KMO: variants seen among roughly 807,000 people sequenced by gnomAD.
The protein encoded by KMO is kynurenine 3-hydroxylase.
In KMO, 24 loss-of-function variants were observed where a neutral mutation model predicts 57.8. The observed-to-expected ratio is 0.42, with a 90% CI of 0.30 to 0.58. KMO has a LOEUF of 0.58. KMO is among the 20% of genes least tolerant of loss of function. KMO has a pLI of 0.22. For synonymous variants in KMO, 210 were observed against 193.6 expected (o/e 1.08, Z -0.70); for missense variants, 483 against 588.2 (o/e 0.82, Z 1.85).
intron 14 of KMO, among the ~76,000 whole-genome samples, chr1:241,590,579 A>AT (rs931615927): frequency 2.0e-5 from 3 of 152,204 alleles, no homozygotes; most frequent in Admixed American, 2.0e-4. Context: ...TATGAGTTTA[A>AT]TTTGTAAAAT....
At chr1:241,570,311 G>C (rs1168836985) in intron 10 of KMO, among the ~76,000 whole-genome samples, 1 of 151,686 alleles carries the variant, frequency 6.6e-6, no homozygotes, top group Non-Finnish European at 1.5e-5. Flanking sequence ...TTTTTGCTTT[G>C]GCTGCCTGTG....
intron 10 of KMO, among the ~76,000 whole-genome samples, chr1:241,577,115 T>G (rs139915680): frequency 4.0e-4 from 61 of 152,272 alleles, no homozygotes; most frequent in African/African-American, 1.4e-3. Flanking sequence ...AATATCTATC[T>G]CTTTAGGAAA....
At chr1:241,572,154 C>G (rs931819210) in intron 10 of KMO, among the ~76,000 whole-genome samples, 1 of 152,148 alleles carries the variant, frequency 6.6e-6, no homozygotes, top group Middle Eastern at 3.4e-3. Flanking sequence ...CATGAGCCAC[C>G]ACGCCCGGGC....
chr1:241,566,006 A>C (rs1185271594), intron 8 of KMO, among the ~76,000 whole-genome samples: 1 of 152,154 alleles, frequency 6.6e-6, no homozygotes, highest in Non-Finnish European at 1.5e-5. Flanking sequence ...GGAGTTCCAG[A>C]CCAACCTGCC....
Position 241,588,796 on chromosome 1 carries a change from C to T in KMO, c.1064C>T (p.Ala355Val), listed in dbSNP as rs779550491. 21 of 1,613,212 alleles carry T rather than the reference C, an allele frequency of 1.3e-5. No individual in the cohort carries two copies. Among genetic ancestry groups the T allele is most frequent in the South Asian group, 8.8e-5 (8 of 91,072 alleles). ...AGATTGAGAATCCCAGATGATCACG[C>T]GATTTCAGACCTATCCATGTACAAT... ...FSRLRIPDDH[A>V]ISDLSMYNYI... is the part of the protein sequence containing the mutation. Residue 355 changes from alanine to valine, a missense_variant, in exon 12 of 15, where the codon GCG becomes GTG. Coordinates refer to ENST00000366559, the MANE Select transcript of KMO (RefSeq NM_003679.5).
chr1:241,551,185 C>G, intron 4 of KMO, 141 bp downstream of exon 4: 2 of 575,636 alleles, frequency 3.5e-6, no homozygotes, highest in Non-Finnish European at 6.1e-6. Flanking sequence ...AATACAGATA[C>G]TAGTTGGCAA....
At position 241,593,079 on chromosome 1, in the gene KMO, G is replaced by A. The variant is rs1468737425; in HGVS notation, c.*926G>A. 1 of 197,486 alleles carries A rather than the reference G, an allele frequency of 5.1e-6. No homozygotes were observed. The highest frequency in any genetic ancestry group is 2.3e-5 in the African/African-American group (1 of 43,668). The allele number at this position is 197,486 out of a possible 1,614,324, so 12.2% of individuals were successfully genotyped here. On this transcript the variant is annotated 3_prime_UTR_variant, in exon 15 of 15. Coordinates refer to ENST00000366559, the MANE Select transcript of KMO (RefSeq NM_003679.5). The stretch of plus-strand genomic sequence containing the variant: ...TGTGAGCCACCGCTGCCAGCCCAGA[G>A]TTACCCTCTAAAGATAAGAAAAAGG...
intron 14 of KMO, among the ~76,000 whole-genome samples, chr1:241,591,270 A>AT (rs1300400627): frequency 6.6e-6 from 1 of 152,150 alleles, no homozygotes; most frequent in African/African-American, 2.4e-5. Context: ...ATCTTCAAAC[A>AT]TTAACTTAAG....
At position 241,565,971 on chromosome 1, in the gene KMO, G is replaced by A. The variant is rs144416847; in HGVS notation, c.688-520G>A. On this transcript the variant is annotated intron_variant, in intron 8 of 14. Transcript: ENST00000366559. ...TGTAATCCCAGCACTTTGGGAGGCC[G>A]AGGTGGGTGGATCACCTGAGGTCAG... Among the ~76,000 whole-genome samples the A allele has an allele frequency of 7.2e-3, 1,099 of 152,266 alleles. 18 individuals are homozygous for A. Among genetic ancestry groups the A allele is most frequent in the African/African-American group, 0.026 (1,066 of 41,548 alleles).
Position 241,594,817 on chromosome 1 carries a change from G to T in KMO, c.*2664G>T. On this transcript the variant is annotated 3_prime_UTR_variant, in exon 15 of 15. Transcript: ENST00000366559. Reference sequence around the variant, plus strand: ...TGTTTGTTAGCAGGTGTGGATGTGGGGTTATGTGGTCATGCTCAGATCTAC... The same window carrying T: ...TGTTTGTTAGCAGGTGTGGATGTGGTGTTATGTGGTCATGCTCAGATCTAC... The T allele has an allele frequency of 9.8e-7, 1 of 1,022,538 alleles. No homozygotes were observed. Among genetic ancestry groups the T allele is most frequent in the Non-Finnish European group, 1.4e-6 (1 of 702,372 alleles). 63.3% of individuals were successfully genotyped at this position (1,022,538 alleles called of 1,614,324 possible).
Position 241,558,576 on chromosome 1 carries a change from C to T in KMO, c.362-2089C>T, listed in dbSNP as rs1661722355. Among the ~76,000 whole-genome samples the T allele has an allele frequency of 2.6e-5, 4 of 152,182 alleles. No homozygotes were observed. In the South Asian group the frequency reaches 8.3e-4, roughly 31 times the overall value. On this transcript the variant is annotated intron_variant, in intron 5 of 14. Transcript: ENST00000366559. ...GATGTTAATAATTATTAAGCCAAAGCAAACAGACAAAGGATGTGTGGCCAA... is the reference window on the plus strand; with the variant it reads ...GATGTTAATAATTATTAAGCCAAAGTAAACAGACAAAGGATGTGTGGCCAA...
chr1:241,545,774 A>G, intron 1 of KMO, among the ~76,000 whole-genome samples: 1 of 152,152 alleles, frequency 6.6e-6, no homozygotes, highest in Non-Finnish European at 1.5e-5. Context: ...AGGGTGGCCC[A>G]GGAAATCTTT....
intron 1 of KMO, among the ~76,000 whole-genome samples, chr1:241,537,392 T>C (rs116293288): frequency 6.6e-6 from 1 of 152,188 alleles, no homozygotes; most frequent in Admixed American, 6.5e-5. Context: ...TTGATTCAAG[T>C]GCATACTTTA....
chr1:241,561,913 C>G (rs1415619590), intron 6 of KMO: 1 of 386,792 alleles, frequency 2.6e-6, no homozygotes, highest in Non-Finnish European at 4.7e-6. Flanking sequence ...AATCTCAAAT[C>G]CTGTCACACT....
chr1:241,579,561 T>C (rs1022982812), intron 10 of KMO, among the ~76,000 whole-genome samples: 8 of 152,114 alleles, frequency 5.3e-5, no homozygotes, highest in African/African-American at 1.7e-4. Flanking sequence ...CCAGCTTCCA[T>C]GCACTTGGCA....
chr1:241,578,592 C>G (rs1219973012), intron 10 of KMO, among the ~76,000 whole-genome samples: 1 of 152,090 alleles, frequency 6.6e-6, no homozygotes, highest in Non-Finnish European at 1.5e-5. Context: ...AGTACCAGCT[C>G]AGATGGAGGG....
chr1:241,588,212 C>T (rs1177480837), intron 11 of KMO, among the ~76,000 whole-genome samples: 3 of 151,834 alleles, frequency 2.0e-5, no homozygotes, highest in African/African-American at 7.3e-5. Flanking sequence ...AAAAAGCCTA[C>T]CGTAAAGTAA....
Position 241,564,984 on chromosome 1 carries a change from C to T in KMO, c.616-3C>T. On this transcript the variant is annotated splice_region_variant and splice_polypyrimidine_tract_variant and intron_variant, in intron 7 of 14. Coordinates refer to ENST00000366559, the MANE Select transcript of KMO (RefSeq NM_003679.5). The stretch of plus-strand genomic sequence containing the variant: ...AATCAATCATATATTCTTTTTTCTG[C>T]AGTATGCCATGGAACCTAATTATCT... 6.3e-7 allele frequency: 1 copy of T among 1,587,288 alleles called. No homozygotes were observed. The highest frequency in any genetic ancestry group is 8.6e-7 in the Non-Finnish European group (1 of 1,156,648).
chr1:241,574,460 G>C (rs1662427793), intron 10 of KMO, among the ~76,000 whole-genome samples: 1 of 151,510 alleles, frequency 6.6e-6, no homozygotes, highest in Non-Finnish European at 1.5e-5. Flanking sequence ...CTAGTTTGTT[G>C]AAGGTTTTCA....
Sources: gnomAD v4.1 joint callset for allele counts (sites outside exome capture counted in the v4.1 genomes callset) on GRCh38, gnomAD v4.1.1 for gene constraint, MANE v1.5 for transcripts, NCBI Gene and HGNC (gene_info 2026-07-23, HGNC 2026-07-21) for gene names.